Variants in WDR64 observed in about 807,000 individuals in gnomAD.
The protein encoded by WDR64 is WD repeat domain 64, also known as WD repeat-containing protein 64.
WDR64 carries 112 observed loss-of-function variants against 139.3 expected under a neutral mutation model. The ratio of observed to expected loss-of-function variants is 0.80; its 90% CI spans 0.69 to 0.94. The LOEUF (loss-of-function observed/expected upper bound fraction) is 0.94, where lower values mean the gene tolerates loss of function less well. WDR64 is among the 40% of genes least tolerant of loss of function. The pLI is 0.00. For missense variants in WDR64, 1,206 were observed against 1,293.1 expected (o/e 0.93, Z 1.03); for synonymous variants, 444 against 437.7 (o/e 1.01, Z -0.18).
rs1328058376 is a variant in WDR64 at position 241,772,871 on chromosome 1, C to G, written c.2370C>G (p.Ala790=). 2 of 1,551,974 alleles carry G rather than the reference C, an allele frequency of 1.3e-6. No individual in the cohort carries two copies. Among genetic ancestry groups the G allele is most frequent in the East Asian group, 2.4e-5 (1 of 40,912 alleles). ...CTGGAATTGCCAATTTACCAGAAGCCCAGCCACCTATCCTTGTCACTGCTC... is the reference window on the plus strand; with the variant it reads ...CTGGAATTGCCAATTTACCAGAAGCGCAGCCACCTATCCTTGTCACTGCTC... ...KHPGIANLPE[A]QPPILVTAHE... The change falls in exon 20 of 28, where the codon GCC becomes GCG. Residue 790 remains alanine, a synonymous_variant. Coordinates refer to ENST00000437684, the MANE Select transcript of WDR64 (RefSeq NM_001367482.1).
chr1:241,799,202 C>CAAAAAAAAAACAAA (rs1659451147), intron 27 of WDR64, among the ~76,000 whole-genome samples: 1 of 33,326 alleles, frequency 3.0e-5, no homozygotes, highest in African/African-American at 1.5e-4. Context: ...TTTGTCTCTC[C>CAAAAAAAAAACAAA]AAAAAAAAAA....
In WDR64 at chr1:241,723,594, TTC is replaced by T. The variant is rs1283520430; in HGVS notation, c.1194+164_1194+165del. On this transcript the variant is annotated intron_variant, in intron 10 of 27. Transcript: ENST00000437684. ...TGGAAAAGGAAATGATAAGCCAATG[TTC>T]TCTCTTTCTATTGATTATAGCATAA... Among the ~76,000 whole-genome samples, 4 of 152,304 alleles carry T rather than the reference TTC, an allele frequency of 2.6e-5. No homozygotes were observed. In the South Asian group the frequency reaches 8.3e-4, roughly 32 times the overall value.
At chr1:241,657,310 A>T (rs1484669865) in intron 1 of WDR64, among the ~76,000 whole-genome samples, 1 of 152,040 alleles carries the variant, frequency 6.6e-6, no homozygotes, top group Non-Finnish European at 1.5e-5. Context: ...CTGGCCTCCT[A>T]GCAGCAGCAA....
intron 12 of WDR64, 67 bp from the exon 13 acceptor site, chr1:241,744,326 G>GT: frequency 6.3e-7 from 1 of 1,589,506 alleles, no homozygotes; most frequent in Non-Finnish European, 8.6e-7. Context: ...TGAATATGGT[G>GT]TAATTCTGAT....
chr1:241,707,346 C>CT (rs1667991016), intron 8 of WDR64, among the ~76,000 whole-genome samples: 1 of 152,146 alleles, frequency 6.6e-6, no homozygotes. Context: ...GAGTATTTCC[C>CT]TTTTGGAGTA....
intron 12 of WDR64, among the ~76,000 whole-genome samples, chr1:241,741,876 T>C (rs767841493): frequency 3.9e-5 from 6 of 152,156 alleles, no homozygotes; most frequent in African/African-American, 1.2e-4. Context: ...ACATGCTCAA[T>C]TGAATAAACA....
chr1:241,713,375 GGGAAGGAAA>G lies in WDR64; in HGVS notation c.1054+1503_1054+1511del, dbSNP rs1300118295. On this transcript the variant is annotated intron_variant, in intron 9 of 27. Coordinates refer to ENST00000437684, the MANE Select transcript of WDR64 (RefSeq NM_001367482.1). The stretch of plus-strand genomic sequence containing the variant: ...AGGGAGGGACAGAGGGAGGGAGGAA[GGGAAGGAAA>G]GGAAGGAAGGAAGGGAGGGAGGGAG... 6.0e-4 allele frequency among the ~76,000 whole-genome samples: 80 copies of G among 134,360 alleles called. 1 individual carries two copies. The highest frequency in any genetic ancestry group is 2.1e-3 in the African/African-American group (76 of 35,784). The allele number at this position is 134,360 out of a possible 152,430, so 88.1% of individuals were successfully genotyped here. A position where few individuals can be genotyped will look rare whatever the true frequency, so the allele number is the denominator to read the frequency against.
chr1:241,685,176 G>T (rs972819045), intron 7 of WDR64, among the ~76,000 whole-genome samples: 2 of 149,644 alleles, frequency 1.3e-5, no homozygotes, highest in South Asian at 2.1e-4. Context: ...AAACATAAAT[G>T]ATATATATTT....
At chr1:241,745,364 G>A (rs55698010) in intron 13 of WDR64, among the ~76,000 whole-genome samples, 3,488 of 136,520 alleles carry the variant, frequency 0.026, 77 homozygotes, top group East Asian at 0.03. Context: ...CCTTCACGTG[G>A]ATCGGTTCTT....
At chr1:241,665,591 T>C (rs1321848290) in intron 2 of WDR64, among the ~76,000 whole-genome samples, 1 of 152,202 alleles carries the variant, frequency 6.6e-6, no homozygotes, top group Admixed American at 6.5e-5. Context: ...TTGAAATTCA[T>C]AGAATAATGA....
chr1:241,672,708 A>G (rs1299442589), intron 3 of WDR64, among the ~76,000 whole-genome samples: 1 of 152,200 alleles, frequency 6.6e-6, no homozygotes, highest in East Asian at 1.9e-4. Flanking sequence ...GAATGTGGGA[A>G]GGAGAAGGTG....
At chr1:241,765,357 C>T (rs1156795218) in intron 15 of WDR64, among the ~76,000 whole-genome samples, 1 of 151,962 alleles carries the variant, frequency 6.6e-6, no homozygotes, top group Non-Finnish European at 1.5e-5. Context: ...ATATTTGAAA[C>T]ATAATCTGAG....
chr1:241,741,568 A>G lies in WDR64; in HGVS notation c.1374A>G (p.Lys458=). The part of the protein sequence containing the change: ...YPLTRMIQDT[K]QVPHTHEREI... ...TGACTAGGATGATACAAGATACAAA[A>G]CAGGTTCCTCACACTCATGAACGAG... Residue 458 remains lysine, a synonymous_variant, in exon 12 of 28, where the codon AAA becomes AAG. Coordinates refer to ENST00000437684, the MANE Select transcript of WDR64 (RefSeq NM_001367482.1). 6.2e-7 allele frequency: 1 copy of G among 1,613,626 alleles called. No homozygotes were observed. Among genetic ancestry groups the G allele is most frequent in the Non-Finnish European group, 8.5e-7 (1 of 1,179,862 alleles).
At chr1:241,784,911 G>A (rs943877908) in intron 23 of WDR64, among the ~76,000 whole-genome samples, 2 of 128,532 alleles carry the variant, frequency 1.6e-5, no homozygotes, top group African/African-American at 3.0e-5. Context: ...CCGAGATCAC[G>A]CCACTGCACT....
At chr1:241,654,883 G>A (rs1482836600) in intron 1 of WDR64, among the ~76,000 whole-genome samples, 1 of 152,148 alleles carries the variant, frequency 6.6e-6, no homozygotes, top group East Asian at 1.9e-4. Context: ...TATATTAAGT[G>A]TAAATAAATT....
In WDR64 at chr1:241,757,307, A is replaced by G; in HGVS notation, c.1795A>G (p.Met599Val). 3 of 1,613,888 alleles carry G rather than the reference A, an allele frequency of 1.9e-6. No individual in the cohort carries two copies. In the East Asian group the frequency reaches 6.7e-5, roughly 36 times the overall value. Residue 599 changes from methionine (M) to valine (V), a missense_variant, in exon 15 of 28, where the codon ATG becomes GTG. By Grantham distance (21) the Met-to-Val change is conservative (BLOSUM62 1). Transcript: ENST00000437684. ...GGGTAAGGAAGATGATATCTACCTCATGGTGATCTGGGAGCTGCCTGATGT... is the reference window on the plus strand; with the variant it reads ...GGGTAAGGAAGATGATATCTACCTCGTGGTGATCTGGGAGCTGCCTGATGT... The part of the protein sequence containing the change: ...IQGKEDDIYL[M>V]VIWELPDVVP...
intron 22 of WDR64, 40 bp downstream of exon 22, chr1:241,780,102 A>G: frequency 1.3e-6 from 2 of 1,494,420 alleles, no homozygotes; most frequent in South Asian, 1.2e-5. Flanking sequence ...ATGAGTCAGC[A>G]TATATTTATT....
Position 241,703,460 on chromosome 1 carries a change from GT to G in WDR64, c.975-8328del, listed in dbSNP as rs35616829. ...TTTTGATAGGGGACTCTATCAAAAAGTTTTTTTTTTTTTTCTGTTTTGAAGA... is the reference window on the plus strand; with the variant it reads ...TTTTGATAGGGGACTCTATCAAAAAGTTTTTTTTTTTTTCTGTTTTGAAGA... On this transcript the variant is annotated intron_variant, in intron 8 of 27. Coordinates refer to ENST00000437684, the MANE Select transcript of WDR64 (RefSeq NM_001367482.1). This position sits in a 1 kb window ranked among gnomAD's most constrained non-coding sequence, Gnocchi z 5.9. 1.0e-3 allele frequency among the ~76,000 whole-genome samples: 149 copies of G among 144,002 alleles called. No individual in the cohort carries two copies. The Middle Eastern group carries it at 0.011, about 10-fold the overall frequency. The allele number at this position is 144,002 out of a possible 152,430, so 94.5% of individuals were successfully genotyped here.
intron 20 of WDR64, among the ~76,000 whole-genome samples, chr1:241,774,136 A>G (rs6698158): frequency 0.17 from 26,293 of 152,104 alleles, 2,644 homozygotes; most frequent in African/African-American, 0.26. Flanking sequence ...CCTTAGAAAA[A>G]CAGAGGAGGT....
Sources: gnomAD v4.1 joint callset for allele counts (sites outside exome capture counted in the v4.1 genomes callset) on GRCh38, gnomAD v4.1.1 for gene constraint, Gnocchi (gnomAD v3.1) non-coding constraint, MANE v1.5 for transcripts, NCBI Gene and HGNC (gene_info 2026-07-23, HGNC 2026-07-21) for gene names.